The following HOMER1 variants were observed in gnomAD, a reference collection of about 807,000 sequenced individuals.
HOMER1 encodes homer protein homolog 1.
Under a neutral mutation model 48.9 loss-of-function variants are expected in HOMER1, and 3 were observed. The observed-to-expected ratio is 0.06, with a 90% CI of 0.03 to 0.16. HOMER1 has a LOEUF of 0.16. Ranked by LOEUF, HOMER1 falls within the 10% of genes least tolerant of loss-of-function variation. HOMER1 has a pLI of 1.00. For missense variants in HOMER1, 247 were observed against 411.4 expected (o/e 0.60, Z 3.46); for synonymous variants, 134 against 146.4 (o/e 0.92, Z 0.61).
intron 8 of HOMER1, among the ~76,000 whole-genome samples, chr5:79,379,419 T>A (rs1290440659): frequency 2.5e-5 from 3 of 119,238 alleles, no homozygotes; most frequent in African/African-American, 6.5e-5. Context: ...TTTATATATT[T>A]TATATATTAT....
chr5:79,386,504 A>G (rs1344987737), intron 8 of HOMER1, among the ~76,000 whole-genome samples: 1 of 152,196 alleles, frequency 6.6e-6, no homozygotes, highest in East Asian at 1.9e-4. Flanking sequence ...AGATCGGTGA[A>G]TGGCTATATA....
chr5:79,491,857 A>T (rs1752287948), intron 1 of HOMER1, among the ~76,000 whole-genome samples: 1 of 152,226 alleles, frequency 6.6e-6, no homozygotes, highest in Non-Finnish European at 1.5e-5. Flanking sequence ...CATCTTCACA[A>T]TTGTATCCCC....
chr5:79,453,550 GTAGAA>G (rs1443241362), intron 2 of HOMER1, among the ~76,000 whole-genome samples: 1 of 152,102 alleles, frequency 6.6e-6, no homozygotes, highest in Non-Finnish European at 1.5e-5. Context: ...GCTTCTTTGA[GTAGAA>G]TGCATTTAAA....
intron 1 of HOMER1, among the ~76,000 whole-genome samples, chr5:79,500,959 GACAGACACACACAC>G (rs1167803656): frequency 2.9e-3 from 378 of 130,012 alleles, no homozygotes; most frequent in South Asian, 9.1e-3. Context: ...GTGTGAGACA[GACAGACACACACAC>G]ACACACACAC....
chr5:79,396,722 C>T (rs1749395442), intron 8 of HOMER1, 101 bp downstream of exon 8: 2 of 581,396 alleles, frequency 3.4e-6, no homozygotes, highest in Non-Finnish European at 5.9e-6. Flanking sequence ...GAAAAATGAC[C>T]AAAAACCTAC....
At chr5:79,477,122 A>G (rs1357943162) in intron 1 of HOMER1, among the ~76,000 whole-genome samples, 3 of 152,212 alleles carry the variant, frequency 2.0e-5, no homozygotes, top group Non-Finnish European at 4.4e-5. Flanking sequence ...AGAGTCTGTA[A>G]CAAAGACTAT....
intron 5 of HOMER1, among the ~76,000 whole-genome samples, chr5:79,405,725 A>C (rs1284725361): frequency 3.3e-5 from 5 of 152,232 alleles, no homozygotes; most frequent in Admixed American, 3.3e-4. Flanking sequence ...TGAAAAGTAA[A>C]GGTATTCACT....
intron 5 of HOMER1, among the ~76,000 whole-genome samples, chr5:79,405,382 C>G (rs1230195413): frequency 6.6e-6 from 1 of 152,188 alleles, no homozygotes; most frequent in Non-Finnish European, 1.5e-5. Context: ...TTTAGGACAA[C>G]TCAAGCAAAC....
At chr5:79,510,258 TATTA>T (rs745696875) in intron 1 of HOMER1, among the ~76,000 whole-genome samples, 2 of 152,118 alleles carry the variant, frequency 1.3e-5, no homozygotes, top group African/African-American at 2.4e-5. Flanking sequence ...TATAGAACTT[TATTA>T]ACTAAAGGGC....
At chr5:79,417,742 A>G (rs1749983882) in intron 5 of HOMER1, among the ~76,000 whole-genome samples, 1 of 152,200 alleles carries the variant, frequency 6.6e-6, no homozygotes, top group Non-Finnish European at 1.5e-5. Context: ...TTAACTTTGG[A>G]GACAAAAATG....
intron 4 of HOMER1, among the ~76,000 whole-genome samples, chr5:79,442,875 C>G (rs1750773698): frequency 1.3e-5 from 2 of 152,198 alleles, no homozygotes; most frequent in South Asian, 4.1e-4. Context: ...CTCATATCCT[C>G]AGTCATACAT....
chr5:79,426,806 T>G (rs1750270143), intron 5 of HOMER1, among the ~76,000 whole-genome samples: 1 of 152,160 alleles, frequency 6.6e-6, no homozygotes, highest in African/African-American at 2.4e-5. Flanking sequence ...ATGGGGAATG[T>G]TCCTAGCACA....
intron 5 of HOMER1, among the ~76,000 whole-genome samples, chr5:79,437,429 G>A (rs1750616646): frequency 1.3e-5 from 2 of 151,982 alleles, no homozygotes; most frequent in African/African-American, 2.4e-5. Context: ...AATTGTAACT[G>A]CATATTTTAA....
At chr5:79,465,494 A>G (rs1477781402) in intron 1 of HOMER1, among the ~76,000 whole-genome samples, 1 of 152,074 alleles carries the variant, frequency 6.6e-6, no homozygotes, top group East Asian at 1.9e-4. Flanking sequence ...TTTGAAGAAA[A>G]TATCAAATCT....
chr5:79,409,318 G>T (rs78611643), intron 5 of HOMER1, among the ~76,000 whole-genome samples: 1 of 151,556 alleles, frequency 6.6e-6, no homozygotes. Context: ...TGCAGTCCCA[G>T]CTACTCCAGA....
rs371567292 is a variant in HOMER1 at position 79,389,012 on chromosome 5, T to C, written c.876+7811A>G. 7.6e-4 allele frequency among the ~76,000 whole-genome samples: 116 copies of C among 152,196 alleles called. 1 individual carries two copies. In the East Asian group the frequency reaches 0.011, roughly 14 times the overall value. Reference sequence around the variant, plus strand: ...ACCTGGGAAAACACCCTCAACAATGTATTTCGTGAAATATTCTAGTATATC... The same window carrying C: ...ACCTGGGAAAACACCCTCAACAATGCATTTCGTGAAATATTCTAGTATATC... On this transcript the variant is annotated intron_variant, in intron 8 of 8. Transcript: ENST00000334082.
chr5:79,377,802 T>C (rs1580408341), intron 8 of HOMER1, among the ~76,000 whole-genome samples: 2 of 152,010 alleles, frequency 1.3e-5, no homozygotes, highest in South Asian at 2.1e-4. Flanking sequence ...AATGTAGAAA[T>C]AGGAAATAAA....
At chr5:79,480,251 G>A (rs1376985823) in intron 1 of HOMER1, among the ~76,000 whole-genome samples, 2 of 152,118 alleles carry the variant, frequency 1.3e-5, no homozygotes, top group Non-Finnish European at 2.9e-5. Context: ...TAGGGGGAAA[G>A]GTGGAGAAAA....
At chr5:79,428,522 A>G (rs1484903378) in intron 5 of HOMER1, among the ~76,000 whole-genome samples, 1 of 152,112 alleles carries the variant, frequency 6.6e-6, no homozygotes, top group East Asian at 1.9e-4. Flanking sequence ...AGATGATATA[A>G]TTTTATATAT....
Sources: allele counts gnomAD v4.1 joint callset (sites outside exome capture counted in the v4.1 genomes callset), GRCh38; gene constraint gnomAD v4.1.1; transcripts MANE v1.5; gene names NCBI Gene and HGNC (gene_info 2026-07-23, HGNC 2026-07-21).